The following CLCA2 variants were observed in gnomAD, a reference collection of about 807,000 sequenced individuals.
CLCA2 encodes calcium-activated chloride channel regulator 2.
In CLCA2, 85 loss-of-function variants were observed where a neutral mutation model predicts 82.9. The observed-to-expected ratio is 1.03, with a 90% CI of 0.86 to 1.23. The LOEUF is 1.23. CLCA2 is among the 50% of genes most tolerant of loss of function. The pLI, the probability that CLCA2 is intolerant of heterozygous loss-of-function variation, is 0.00. For missense variants in CLCA2, 1,089 were observed against 1,124.8 expected, an observed-to-expected ratio of 0.97 and a Z score of 0.45; for synonymous variants, 421 against 391.7, an observed-to-expected ratio of 1.07 and a Z score of -0.88.
chr1:86,438,591 G>C (rs1301968744), intron 6 of CLCA2, among the ~76,000 whole-genome samples: 2 of 152,140 alleles, frequency 1.3e-5, no homozygotes, highest in Admixed American at 1.3e-4. Context: ...TGAATTCTAA[G>C]TTGGAGTGAA....
At chr1:86,427,481 A>G (rs981033062) in intron 2 of CLCA2, among the ~76,000 whole-genome samples, 11 of 152,026 alleles carry the variant, frequency 7.2e-5, no homozygotes, top group African/African-American at 2.4e-4. Flanking sequence ...GAAAATAAAA[A>G]TGAAAAATTG....
rs745980530 is a variant in CLCA2 at position 86,450,704 on chromosome 1, C to G, written c.2126C>G (p.Ala709Gly). ...TPAHSIPGSH[A>G]MYVPGYTANG... is the part of the protein sequence containing the mutation. ...GCCCACTCTATTCCAGGGAGTCATG[C>G]TATGTATGTACCAGGTTACACAGCA... Residue 709 changes from alanine (A) to glycine (G), a missense_variant, in exon 12 of 14, where the codon GCT (alanine) becomes GGT (glycine). By Grantham distance (60) the Ala-to-Gly change is moderately conservative. Transcript: ENST00000370565. 6 of 1,610,668 alleles carry G rather than the reference C, an allele frequency of 3.7e-6. No individual in the cohort carries two copies. The Admixed American group carries it at 1.0e-4, about 27-fold the overall frequency.
Position 86,447,586 on chromosome 1 carries a change from T to A in CLCA2, c.1792T>A (p.Ser598Thr), listed in dbSNP as rs774439803. Residue 598 changes from serine (S) to threonine (T), a missense_variant, in exon 11 of 14, where the codon TCC (serine) becomes ACC (threonine). Ser to Thr is a moderately conservative substitution (Grantham distance 58). Transcript: ENST00000370565. ...GAAAGTGACAGTGACCTCTCGCGCC[T>A]CCAACTCAGCTGTGCCCCCAGCCAC... ...ALKVTVTSRASNSAVPPATVE... is the reference protein window; with the variant it reads ...ALKVTVTSRATNSAVPPATVE... The A allele has an allele frequency of 3.9e-5, 63 of 1,613,974 alleles. No homozygotes were observed. Among genetic ancestry groups the A allele is most frequent in the Non-Finnish European group, 5.1e-6 (6 of 1,180,000 alleles).
intron 13 of CLCA2, 138 bp downstream of exon 13, chr1:86,453,740 G>A: frequency 2.6e-6 from 2 of 770,768 alleles, no homozygotes; most frequent in Non-Finnish European, 4.1e-6. Context: ...TTAAATCCTG[G>A]AGTCCCAGAA....
chr1:86,451,086 CA>C (rs1332689542), intron 12 of CLCA2, among the ~76,000 whole-genome samples: 2 of 151,998 alleles, frequency 1.3e-5, no homozygotes, highest in Non-Finnish European at 2.9e-5. Context: ...GAGAAAGAGG[CA>C]AAAAGTTATT....
In CLCA2 at chr1:86,430,865, G is replaced by T. The variant is rs760273333; in HGVS notation, c.479G>T (p.Arg160Leu). 1 of 1,612,674 alleles carries T rather than the reference G, an allele frequency of 6.2e-7. No individual in the cohort carries two copies. Among genetic ancestry groups the T allele is most frequent in the Non-Finnish European group, 8.5e-7 (1 of 1,179,380 alleles). Residue 160 changes from arginine (R) to leucine (L), a missense_variant, in exon 4 of 14, where the codon CGA becomes CTA. By Grantham distance (102) the Arg-to-Leu change is moderately radical (BLOSUM62 -2). Coordinates refer to ENST00000370565, the MANE Select transcript of CLCA2 (RefSeq NM_006536.7). Reference protein sequence around the residue: ...NLTAGYGSRGRVFVHEWAHLR... With the variant: ...NLTAGYGSRGLVFVHEWAHLR... ...GCAAAAGTTCTTTCTTCCGCAGGCC[G>T]AGTGTTTGTCCATGAATGGGCCCAC... is the stretch of plus-strand genomic sequence containing the variant.
At chr1:86,450,980 C>T (rs561439805) in intron 12 of CLCA2, among the ~76,000 whole-genome samples, 3 of 152,220 alleles carry the variant, frequency 2.0e-5, no homozygotes, top group African/African-American at 7.2e-5. Flanking sequence ...TTATGTTGAC[C>T]TCTTTCTTGT....
chr1:86,436,666 G>A (rs763912534), intron 6 of CLCA2, among the ~76,000 whole-genome samples: 1 of 151,808 alleles, frequency 6.6e-6, no homozygotes, highest in Non-Finnish European at 1.5e-5. Context: ...GAATAATTTT[G>A]TTATGTTGCA....
chr1:86,443,002 C>A (rs1570262777), intron 9 of CLCA2, among the ~76,000 whole-genome samples: 1 of 151,998 alleles, frequency 6.6e-6, no homozygotes, highest in African/African-American at 2.4e-5. Context: ...TGTGTGCACA[C>A]ACGTGGCTTA....
intron 5 of CLCA2, among the ~76,000 whole-genome samples, chr1:86,432,913 T>C (rs1662529857): frequency 6.6e-6 from 1 of 152,210 alleles, no homozygotes; most frequent in South Asian, 2.1e-4. Context: ...CTTTCCTCAA[T>C]CTCTTTCCTT....
At chr1:86,452,646 T>C (rs1174673795) in intron 12 of CLCA2, among the ~76,000 whole-genome samples, 2 of 152,182 alleles carry the variant, frequency 1.3e-5, no homozygotes, top group Non-Finnish European at 2.9e-5. Flanking sequence ...CTTCCCTCTC[T>C]TCTTTAGCTG....
At chr1:86,431,051 C>T in intron 4 of CLCA2, 81 bp downstream of exon 4, 5 of 914,476 alleles carry the variant, frequency 5.5e-6, no homozygotes, top group Non-Finnish European at 8.3e-6. Context: ...AAATAATTGC[C>T]TAATTTAAGC....
rs753904651 is a variant in CLCA2, at chr1:86,453,532, A to C, written c.2319A>C (p.Glu773Asp). ...VFPPCKIIDL[E>D]AVKVEEELTL... is the part of the protein sequence containing the mutation. ...CACCATGCAAAATTATTGACCTGGA[A>C]GCTGTAAAAGTAGAAGAGGAATTGA... The change falls in exon 13 of 14, where the codon GAA (glutamate) becomes GAC (aspartate). Residue 773 changes from glutamate (E) to aspartate (D), a missense_variant. Transcript: ENST00000370565. 6.2e-7 allele frequency: 1 copy of C among 1,614,186 alleles called. No individual in the cohort carries two copies. Among genetic ancestry groups the C allele is most frequent in the South Asian group, 1.1e-5 (1 of 91,092 alleles).
rs556755899 is a variant in CLCA2 at position 86,428,946 on chromosome 1, T to C, written c.475+378T>C. Among the ~76,000 whole-genome samples the C allele has an allele frequency of 4.7e-4, 72 of 152,244 alleles. No homozygotes were observed. The South Asian group carries it at 0.013, about 28-fold the overall frequency. On this transcript the variant is annotated intron_variant, in intron 3 of 13. Coordinates refer to ENST00000370565, the MANE Select transcript of CLCA2 (RefSeq NM_006536.7). ...TGTGGCAGCAGAAAAATTAAAGGCATATAGGAGAGACAGAGACCCTGATGA... is the reference window on the plus strand; with the variant it reads ...TGTGGCAGCAGAAAAATTAAAGGCACATAGGAGAGACAGAGACCCTGATGA...
At chr1:86,450,479 G>A in intron 11 of CLCA2, 84 bp from the exon 12 acceptor site, 3 of 1,032,092 alleles carry the variant, frequency 2.9e-6, no homozygotes, top group South Asian at 2.0e-5. Flanking sequence ...AAGAATAAGG[G>A]GAGTAAATCT....
At position 86,447,793 on chromosome 1, in the gene CLCA2, C is replaced by T; in HGVS notation, c.1984+15C>T. The T allele has an allele frequency of 6.2e-7, 1 of 1,605,546 alleles. No homozygotes were observed. On this transcript the variant is annotated intron_variant, in intron 11 of 13. Coordinates refer to ENST00000370565, the MANE Select transcript of CLCA2 (RefSeq NM_006536.7). ...TGATGGAGCAGGTAACAAGGAATGT[C>T]ATGACATTTTATCATCTTCTCAACA...
At chr1:86,445,356 C>CTTTTTTT (rs1190239314) in intron 10 of CLCA2, 97 of 88,882 alleles carry the variant, frequency 1.1e-3, no homozygotes, top group East Asian at 1.7e-3. Context: ...AAGTGTTAAC[C>CTTTTTTT]TTTTTTTTTT....
chr1:86,449,377 C>T (rs1662917227), intron 11 of CLCA2, among the ~76,000 whole-genome samples: 1 of 152,138 alleles, frequency 6.6e-6, no homozygotes, highest in Non-Finnish European at 1.5e-5. Flanking sequence ...GTCTCCCAAG[C>T]CAATGTTCTT....
rs1306490095 is a variant in CLCA2 at position 86,424,201 on chromosome 1, T to C, written c.-47T>C. ...CATCCATATTGAAAACCTGACACAA[T>C]GTATGCAGCAGGCTCAGTGTGAGTG... On this transcript the variant is annotated 5_prime_UTR_variant, in exon 1 of 14. An upstream start codon of the reference 5' UTR is lost. Coordinates refer to ENST00000370565, the MANE Select transcript of CLCA2 (RefSeq NM_006536.7). 1.9e-6 allele frequency: 3 copies of C among 1,541,938 alleles called. No individual in the cohort carries two copies. The highest frequency in any genetic ancestry group is 2.8e-5 in the African/African-American group (2 of 71,988).
Sources: allele counts gnomAD v4.1 joint callset (sites outside exome capture counted in the v4.1 genomes callset), GRCh38; gene constraint gnomAD v4.1.1; transcripts MANE v1.5; gene names NCBI Gene and HGNC (gene_info 2026-07-23, HGNC 2026-07-21).